Variants in GNB1L observed in about 807,000 individuals in gnomAD.
GNB1L encodes the protein G protein subunit beta 1 like, also known as guanine nucleotide-binding protein subunit beta-like protein 1.
A neutral mutation model predicts 29.1 loss-of-function variants in GNB1L; 20 were observed. The ratio of observed to expected loss-of-function variants is 0.69; its 90% CI spans 0.48 to 1.00. The LOEUF (loss-of-function observed/expected upper bound fraction) is 1.00. Ranked by LOEUF, GNB1L falls within the 50% of genes least tolerant of loss-of-function variation. The pLI is 0.00. For synonymous variants in GNB1L, 193 were observed against 206.5 expected (o/e 0.93, Z 0.56); for missense variants, 421 against 464.9 (o/e 0.91, Z 0.87).
chr22:19,850,713 G>C, intron 2 of GNB1L: 1 of 1,236,136 alleles, frequency 8.1e-7, no homozygotes, highest in Non-Finnish European at 1.0e-6. Flanking sequence ...GGTGGGGCTA[G>C]GGGGACAGAC....
At chr22:19,795,744 G>A (rs901078427) in intron 7 of GNB1L, among the ~76,000 whole-genome samples, 4 of 152,244 alleles carry the variant, frequency 2.6e-5, no homozygotes, top group African/African-American at 7.2e-5. Flanking sequence ...CATGGAAGGT[G>A]GCCAGGCTGG....
At chr22:19,805,815 G>A (rs1005509134) in intron 6 of GNB1L, among the ~76,000 whole-genome samples, 2 of 152,172 alleles carry the variant, frequency 1.3e-5, no homozygotes, top group African/African-American at 2.4e-5. Flanking sequence ...TAGAAAAGGA[G>A]GGTGCCTGGC....
At chr22:19,808,488 C>A (rs546369485) in intron 5 of GNB1L, among the ~76,000 whole-genome samples, 5 of 152,158 alleles carry the variant, frequency 3.3e-5, no homozygotes, top group Non-Finnish European at 7.3e-5. Flanking sequence ...ACTCCAAAGC[C>A]GGCCAAAATG....
chr22:19,789,088 G>A (rs907028710), intron 7 of GNB1L, 128 bp from the exon 8 acceptor site: 31 of 989,122 alleles, frequency 3.1e-5, no homozygotes, highest in African/African-American at 1.8e-4. Context: ...AGGGCCACAC[G>A]CTCCTACCCA....
chr22:19,820,734 C>T lies in GNB1L; in HGVS notation c.129-11G>A, dbSNP rs377544200. ...AGGCCACTCTGAGACCTGTTTCAGA[C>T]AAGCCGAGCAGGGTGTCAGGGGGCA... On this transcript the variant is annotated splice_polypyrimidine_tract_variant and intron_variant, in intron 3 of 7. Transcript: ENST00000329517. 1.9e-6 allele frequency: 3 copies of T among 1,605,130 alleles called. No homozygotes were observed. The highest frequency in any genetic ancestry group is 1.3e-5 in the African/African-American group (1 of 74,776).
intron 6 of GNB1L, among the ~76,000 whole-genome samples, chr22:19,803,193 C>T (rs1433845681): frequency 1.3e-5 from 2 of 152,250 alleles, no homozygotes; most frequent in Non-Finnish European, 2.9e-5. Context: ...AGGACACTCA[C>T]TGTGCCCTGC....
In GNB1L at chr22:19,821,327, G is replaced by A. The variant is rs374937273; in HGVS notation, c.29C>T (p.Pro10Leu). 1 of 1,613,062 alleles carries A rather than the reference G, an allele frequency of 6.2e-7. No individual in the cohort carries two copies. Among genetic ancestry groups the A allele is most frequent in the African/African-American group, 1.3e-5 (1 of 75,050 alleles). The change falls in exon 3 of 8, where the codon CCA becomes CTA. Residue 10 changes from proline (P) to leucine (L), a missense_variant. Pro to Leu is a moderately conservative substitution (Grantham distance 98). Transcript: ENST00000329517. ...GCCTCGGAGGACAAACTGGGGGTCT[G>A]GAGGTGGCGGCGGGCAGGGGGCCGT... MTAPCPPPP[P>L]DPQFVLRGTQ...
chr22:19,820,679 C>T lies in GNB1L; in HGVS notation c.173G>A (p.Arg58Lys), dbSNP rs765606321. The change falls in exon 4 of 8, where the codon AGA becomes AAA. Residue 58 changes from arginine to lysine, a missense_variant. Transcript: ENST00000329517. ...GTGGCCATCCAGGGTGGTAACCGCTCTCCGCGTCTGCAGGCTCCAGATGTG... is the reference window on the plus strand; with the variant it reads ...GTGGCCATCCAGGGTGGTAACCGCTTTCCGCGTCTGCAGGCTCCAGATGTG... ...LVHIWSLQTR[R>K]AVTTLDGHGG... is the part of the protein sequence containing the mutation. 4 of 1,613,554 alleles carry T rather than the reference C, an allele frequency of 2.5e-6. No homozygotes were observed. In the African/African-American group the frequency reaches 4.0e-5, roughly 16 times the overall value.
intron 2 of GNB1L, among the ~76,000 whole-genome samples, chr22:19,825,492 T>C (rs1937613341): frequency 6.6e-6 from 1 of 151,158 alleles, no homozygotes; most frequent in South Asian, 2.1e-4. Flanking sequence ...TGTGGTGGTG[T>C]ATGCCTGTGG....
At chr22:19,792,891 A>G in intron 7 of GNB1L, 1 of 1,143,336 alleles carries the variant, frequency 8.7e-7, no homozygotes, top group South Asian at 1.2e-5. Context: ...GAAGACCTGC[A>G]CCACTGTCAC....
chr22:19,817,410 G>A (rs1298793640), intron 4 of GNB1L, among the ~76,000 whole-genome samples: 2 of 152,168 alleles, frequency 1.3e-5, no homozygotes, highest in African/African-American at 4.8e-5. Context: ...GAACCAGGGA[G>A]TCGGAGGTTG....
chr22:19,843,804 G>A (rs1054574628), intron 2 of GNB1L, among the ~76,000 whole-genome samples: 1 of 152,214 alleles, frequency 6.6e-6, no homozygotes, highest in African/African-American at 2.4e-5. Flanking sequence ...CTACAGTCCT[G>A]TAGGCCCCGA....
chr22:19,849,183 T>C (rs1211492872), intron 2 of GNB1L: 7 of 985,450 alleles, frequency 7.1e-6, no homozygotes, highest in Non-Finnish European at 8.4e-6. Flanking sequence ...CTACCAGGGC[T>C]ATACCTGCTT....
intron 7 of GNB1L, among the ~76,000 whole-genome samples, chr22:19,789,289 G>A (rs1161102118): frequency 6.6e-6 from 1 of 152,232 alleles, no homozygotes; most frequent in Non-Finnish European, 1.5e-5. Flanking sequence ...CCCCAGGGAA[G>A]CCACTGCACC....
At position 19,809,451 on chromosome 22, in the gene GNB1L, C is replaced by A. The variant is rs1937474127; in HGVS notation, c.418-2694G>T. Among the ~76,000 whole-genome samples, 3 of 152,340 alleles carry A rather than the reference C, an allele frequency of 2.0e-5. No homozygotes were observed. In the South Asian group the frequency reaches 6.2e-4, roughly 32 times the overall value. On this transcript the variant is annotated intron_variant, in intron 5 of 7. Transcript: ENST00000329517. Reference sequence around the variant, plus strand: ...CAAGCCCATGTGTGATCCAATTCTTCCAGTACACCAAGGCAAGAACCCCAG... The same window carrying A: ...CAAGCCCATGTGTGATCCAATTCTTACAGTACACCAAGGCAAGAACCCCAG...
At chr22:19,849,292 C>T (rs929641182) in intron 2 of GNB1L, 1 of 982,094 alleles carries the variant, frequency 1.0e-6, no homozygotes, top group African/African-American at 1.8e-5. Context: ...CATCTGAACC[C>T]AGAGCCTTTT....
intron 2 of GNB1L, chr22:19,850,194 G>C: frequency 1.0e-6 from 1 of 985,762 alleles, no homozygotes; most frequent in Non-Finnish European, 1.2e-6. Context: ...GACAGAATGG[G>C]AAACAAAGAC....
chr22:19,806,392 GA>G (rs1465356396), intron 6 of GNB1L, among the ~76,000 whole-genome samples: 1 of 152,216 alleles, frequency 6.6e-6, no homozygotes, highest in African/African-American at 2.4e-5. Flanking sequence ...GCTGCGGGGT[GA>G]GCCCACCGGA....
At chr22:19,803,833 T>C (rs1937402451) in intron 6 of GNB1L, among the ~76,000 whole-genome samples, 2 of 152,222 alleles carry the variant, frequency 1.3e-5, no homozygotes, top group African/African-American at 4.8e-5. Context: ...GGCAGCGCTC[T>C]GTGGTGGCAC....
Sources: gnomAD v4.1 joint callset for allele counts (sites outside exome capture counted in the v4.1 genomes callset) on GRCh38, gnomAD v4.1.1 for gene constraint, MANE v1.5 for transcripts, NCBI Gene and HGNC (gene_info 2026-07-23, HGNC 2026-07-21) for gene names.